Variants in GADD45G observed in about 807,000 individuals in gnomAD.
GADD45G encodes the protein growth arrest and DNA damage inducible gamma, also known as growth arrest and DNA damage-inducible protein GADD45 gamma.
GADD45G carries 7 observed loss-of-function variants against 17.3 expected under a neutral mutation model. The ratio of observed to expected loss-of-function variants is 0.41; its 90% confidence interval spans 0.23 to 0.76. The LOEUF (loss-of-function observed/expected upper bound fraction) is 0.76. Ranked by LOEUF, GADD45G falls within the 30% of genes least tolerant of loss-of-function variation. The pLI is 0.34. For missense variants in GADD45G, 149 were observed against 219.2 expected (o/e 0.68, Z 2.02); for synonymous variants, 93 against 94.9 (o/e 0.98, Z 0.12).
In GADD45G at chr9:89,605,045, T is replaced by C. The variant is rs1456020107; in HGVS notation, c.-77T>C. 3 of 1,168,730 alleles carry C rather than the reference T, an allele frequency of 2.6e-6. No individual in the cohort carries two copies. Among genetic ancestry groups the C allele is most frequent in the African/African-American group, 3.0e-5 (2 of 66,112 alleles). The allele number at this position is 1,168,730 out of a possible 1,614,324, so 72.4% of individuals were successfully genotyped here. ...TGGTGGTGGGCGCGCCGTGCTGAGC[T>C]CTGGCTGTCAGTGTGTTCGCCCGCG... On this transcript the variant is annotated 5_prime_UTR_variant, in exon 1 of 4. Coordinates refer to ENST00000252506, the MANE Select transcript of GADD45G (RefSeq NM_006705.4).
rs773959839 is a variant in GADD45G, at chr9:89,605,582, G to T, written c.155+49G>T. ...TGGGAGACAGGGGCGGGGGTGAATG[G>T]CGAGGAGACTGGCGGATGGGAGGGG... On this transcript the variant is annotated intron_variant, in intron 2 of 3. Coordinates refer to ENST00000252506, the MANE Select transcript of GADD45G (RefSeq NM_006705.4). 11 of 1,562,052 alleles carry T rather than the reference G, an allele frequency of 7.0e-6. No individual in the cohort carries two copies. The South Asian group carries it at 1.2e-4, about 18-fold the overall frequency.
Position 89,605,149 on chromosome 9 carries a change from G to C in GADD45G, c.28G>C (p.Asp10His). The change falls in exon 1 of 4, where the codon GAC becomes CAC. Residue 10 changes from aspartate (D) to histidine (H), a missense_variant. By Grantham distance (81) the Asp-to-His change is moderately conservative. Around this residue, in one of 3 missense-constraint regions of GADD45G, gnomAD observed 37 missense variants for 34.9 expected, o/e 1.06. Transcript: ENST00000252506. ...GACTCTGGAAGAAGTCCGCGGCCAG[G>C]ACACAGTTCCGGAAAGCACAGCCAG... MTLEEVRGQ[D>H]TVPESTARMQ... 1 of 1,613,928 alleles carries C rather than the reference G, an allele frequency of 6.2e-7. No individual in the cohort carries two copies. The highest frequency in any genetic ancestry group is 8.5e-7 in the Non-Finnish European group (1 of 1,179,838).
chr9:89,605,617 G>A (rs775043958), intron 2 of GADD45G, 50 bp from the exon 3 acceptor site: 14 of 1,578,018 alleles, frequency 8.9e-6, no homozygotes, highest in Middle Eastern at 3.3e-4. Flanking sequence ...GTGGCGGCGG[G>A]AGAACTCGGC....
Position 89,605,700 on chromosome 9 carries a change from T to A in GADD45G, c.189T>A (p.Ala63=). The change falls in exon 3 of 4, where the codon GCT becomes GCA. Residue 63 remains alanine, a synonymous_variant. Coordinates refer to ENST00000252506, the MANE Select transcript of GADD45G (RefSeq NM_006705.4). ...ACAATGTGACCTTCTGTGTGCTGGC[T>A]GCGGGTGAGGAGGACGAGGGCGACA... ...DPDNVTFCVL[A]AGEEDEGDIA... is the part of the protein sequence containing the mutation. The A allele has an allele frequency of 6.2e-7, 1 of 1,614,054 alleles. No homozygotes were observed. The highest frequency in any genetic ancestry group is 8.5e-7 in the Non-Finnish European group (1 of 1,179,994).
In GADD45G at chr9:89,606,312, C is replaced by T; in HGVS notation, c.*233C>T. 1.7e-6 allele frequency: 1 copy of T among 572,924 alleles called. No individual in the cohort carries two copies. Among genetic ancestry groups the T allele is most frequent in the Non-Finnish European group, 3.1e-6 (1 of 319,718 alleles). 35.5% of individuals were successfully genotyped at this position (572,924 alleles called of 1,614,324 possible). ...TGCAAGTGTCTGGAGCGGCTGCTCGCCCAGGAAGGCCTAGGCTAGGACGTT... is the reference window on the plus strand; with the variant it reads ...TGCAAGTGTCTGGAGCGGCTGCTCGTCCAGGAAGGCCTAGGCTAGGACGTT... On this transcript the variant is annotated 3_prime_UTR_variant, in exon 4 of 4. Transcript: ENST00000252506.
At chr9:89,605,933 G>C (rs998319066) in intron 3 of GADD45G, 36 bp from the exon 4 acceptor site, 4 of 1,591,540 alleles carry the variant, frequency 2.5e-6, no homozygotes, top group African/African-American at 1.3e-5. Flanking sequence ...GCCTCGGCCC[G>C]CGGCCAGCCA....
In GADD45G at chr9:89,605,703, G is replaced by C. The variant is rs750824488; in HGVS notation, c.192G>C (p.Ala64=). Residue 64 remains alanine, a synonymous_variant, in exon 3 of 4, where the codon GCG becomes GCC. Coordinates refer to ENST00000252506, the MANE Select transcript of GADD45G (RefSeq NM_006705.4). ...ATGTGACCTTCTGTGTGCTGGCTGC[G>C]GGTGAGGAGGACGAGGGCGACATCG... ...PDNVTFCVLA[A]GEEDEGDIAL... 9.9e-6 allele frequency: 16 copies of C among 1,614,106 alleles called. No individual in the cohort carries two copies. The South Asian group carries it at 1.6e-4, about 17-fold the overall frequency.
chr9:89,605,811 G>C lies in GADD45G; in HGVS notation c.300G>C (p.Arg100=), dbSNP rs1459724886. The change falls in exon 3 of 4, where the codon CGG becomes CGC. Residue 100 remains arginine, a synonymous_variant. Coordinates refer to ENST00000252506, the MANE Select transcript of GADD45G (RefSeq NM_006705.4). ...TAGTGCGCGTGGGCGATGTGCAGCG[G>C]CTGGCGGCTATCGTGGGCGCCGGCG... ...IDIVRVGDVQ[R]LAAIVGAGEE... is the part of the protein sequence containing the mutation. 6.2e-7 allele frequency: 1 copy of C among 1,613,606 alleles called. No individual in the cohort carries two copies.
chr9:89,605,293 AGAGCCGGGGTGCAGGCGCT>A lies in GADD45G; in HGVS notation c.53+128_54-112del, dbSNP rs1827502407. 12 of 1,124,634 alleles carry A rather than the reference AGAGCCGGGGTGCAGGCGCT, an allele frequency of 1.1e-5. No individual in the cohort carries two copies. In the Admixed American group the frequency reaches 2.4e-4, roughly 22 times the overall value. 69.7% of individuals were successfully genotyped at this position (1,124,634 alleles called of 1,614,324 possible). On this transcript the variant is annotated intron_variant, in intron 1 of 3. Coordinates refer to ENST00000252506, the MANE Select transcript of GADD45G (RefSeq NM_006705.4). The stretch of plus-strand genomic sequence containing the variant: ...GGTCCGGGCGCCAGATCCCGGTTGG[AGAGCCGGGGTGCAGGCGCT>A]GAGCCGGGATTGGAGTGTGGTTGGA...
rs1299048862 is a variant in GADD45G, at chr9:89,605,501, C to G, written c.123C>G (p.Ala41=). 6.4e-7 allele frequency: 1 copy of G among 1,561,966 alleles called. No individual in the cohort carries two copies. Among genetic ancestry groups the G allele is most frequent in the Non-Finnish European group, 8.7e-7 (1 of 1,152,472 alleles). ...CGCAGCGTCAGGGCTGCCTCACTGC[C>G]GGCGTCTACGAGTCAGCCAAAGTCT... The part of the protein sequence containing the change: ...LSAQRQGCLT[A]GVYESAKVLN... The change falls in exon 2 of 4, where the codon GCC becomes GCG. Residue 41 remains alanine, a synonymous_variant. Coordinates refer to ENST00000252506, the MANE Select transcript of GADD45G (RefSeq NM_006705.4).
chr9:89,605,174 G>C lies in GADD45G; in HGVS notation c.53G>C (p.Arg18Thr), dbSNP rs756436120. The stretch of plus-strand genomic sequence containing the variant: ...GACACAGTTCCGGAAAGCACAGCCA[G>C]GTGGGTTTCAGGGCGCTGAGAAAGC... Reference protein sequence around the residue: ...GQDTVPESTARMQGAGKALHE... With the variant: ...GQDTVPESTATMQGAGKALHE... The change falls in exon 1 of 4, where the codon AGG (arginine) becomes ACG (threonine). Residue 18 changes from arginine to threonine, a missense_variant and splice_region_variant. Physicochemically the swap from Arg to Thr is moderately conservative, Grantham distance 71. Around this residue, in one of 3 missense-constraint regions of GADD45G, gnomAD observed 37 missense variants for 34.9 expected, o/e 1.06. Transcript: ENST00000252506. The C allele has an allele frequency of 3.1e-6, 5 of 1,613,442 alleles. No homozygotes were observed. Among genetic ancestry groups the C allele is most frequent in the Non-Finnish European group, 2.5e-6 (3 of 1,179,546 alleles).
chr9:89,605,509 A>G lies in GADD45G; in HGVS notation c.131A>G (p.Tyr44Cys). ...CAGGGCTGCCTCACTGCCGGCGTCT[A>G]CGAGTCAGCCAAAGTCTTGAACGTG... Reference protein sequence around the residue: ...QRQGCLTAGVYESAKVLNVDP... With the variant: ...QRQGCLTAGVCESAKVLNVDP... The change falls in exon 2 of 4, where the codon TAC becomes TGC. Residue 44 changes from tyrosine to cysteine, a missense_variant. Tyr to Cys is a radical substitution (Grantham distance 194). Coordinates refer to ENST00000252506, the MANE Select transcript of GADD45G (RefSeq NM_006705.4). The G allele has an allele frequency of 6.4e-7, 1 of 1,562,474 alleles. No individual in the cohort carries two copies. Among genetic ancestry groups the G allele is most frequent in the African/African-American group, 1.4e-5 (1 of 73,632 alleles).
intron 1 of GADD45G, 59 bp from the exon 2 acceptor site, chr9:89,605,373 C>T (rs3138503): frequency 0.17 from 217,078 of 1,302,608 alleles, 20,653 homozygotes; most frequent in Non-Finnish European, 0.19. Context: ...GTGGCCGGGG[C>T]TGGGGTCTCC....
Position 89,605,836 on chromosome 9 carries a change from G to T in GADD45G, c.325G>T (p.Glu109Ter), listed in dbSNP as rs1473294864. The change falls in exon 3 of 4, where the codon GAG (glutamate) becomes TAG (stop). Residue 109 changes from glutamate to a stop codon, truncating the protein, a stop_gained. Coordinates refer to ENST00000252506, the MANE Select transcript of GADD45G (RefSeq NM_006705.4). LOFTEE classifies it high-confidence loss of function. Reference sequence around the variant, plus strand: ...GCTGGCGGCTATCGTGGGCGCCGGCGAGGAGGCGGGTGCGCCGGGCGACCT... The same window carrying T: ...GCTGGCGGCTATCGTGGGCGCCGGCTAGGAGGCGGGTGCGCCGGGCGACCT... ...QRLAAIVGAG[E>*]EAGAPGDLHC... 1.2e-6 allele frequency: 2 copies of T among 1,612,952 alleles called. No homozygotes were observed. The highest frequency in any genetic ancestry group is 1.3e-5 in the African/African-American group (1 of 74,934).
rs748093899 is a variant in GADD45G at position 89,605,545 on chromosome 9, C to G, written c.155+12C>G. On this transcript the variant is annotated intron_variant, in intron 2 of 3. Coordinates refer to ENST00000252506, the MANE Select transcript of GADD45G (RefSeq NM_006705.4). ...AAAGTCTTGAACGTGTAAGTGTAGA[C>G]GCGGCCCAGGCTGGGAGACAGGGGC... The G allele has an allele frequency of 1.3e-6, 2 of 1,560,000 alleles. No individual in the cohort carries two copies. The highest frequency in any genetic ancestry group is 1.7e-6 in the Non-Finnish European group (2 of 1,148,736).
rs1388520046 is a variant in GADD45G at position 89,605,983 on chromosome 9, C to T, written c.384C>T (p.Asp128=). The T allele has an allele frequency of 1.9e-6, 3 of 1,613,056 alleles. No individual in the cohort carries two copies. In the East Asian group the frequency reaches 6.7e-5, roughly 36 times the overall value. Residue 128 remains aspartate (D), a synonymous_variant, in exon 4 of 4, where the codon GAC becomes GAT. Coordinates refer to ENST00000252506, the MANE Select transcript of GADD45G (RefSeq NM_006705.4). The stretch of plus-strand genomic sequence containing the variant: ...TCTCTCCGCAGAACCCCAACGAGGA[C>T]GCCTGGAAGGATCCCGCCTTGGAGA... The part of the protein sequence containing the change: ...HCILISNPNE[D]AWKDPALEKL...
chr9:89,606,203 G>T lies in GADD45G; in HGVS notation c.*124G>T. ...GCGGCGTGGAGACTGGCAGGCGGGG[G>T]GGGCGCCTGGAGAGCGAGGAGGCGC... On this transcript the variant is annotated 3_prime_UTR_variant, in exon 4 of 4. Transcript: ENST00000252506. 1.4e-6 allele frequency: 1 copy of T among 738,420 alleles called. No homozygotes were observed. The highest frequency in any genetic ancestry group is 2.4e-5 in the Admixed American group (1 of 40,970). 45.7% of individuals were successfully genotyped at this position (738,420 alleles called of 1,614,324 possible).
rs1172049115 is a variant in GADD45G at position 89,605,516 on chromosome 9, A to C, written c.138A>C (p.Ser46=). 3 of 1,562,864 alleles carry C rather than the reference A, an allele frequency of 1.9e-6. No individual in the cohort carries two copies. The highest frequency in any genetic ancestry group is 2.6e-6 in the Non-Finnish European group (3 of 1,152,632). Residue 46 remains serine (S), a synonymous_variant, in exon 2 of 4, where the codon TCA becomes TCC. Coordinates refer to ENST00000252506, the MANE Select transcript of GADD45G (RefSeq NM_006705.4). ...GCCTCACTGCCGGCGTCTACGAGTC[A>C]GCCAAAGTCTTGAACGTGTAAGTGT... ...QGCLTAGVYE[S]AKVLNVDPDN...
Position 89,606,513 on chromosome 9 carries a change from G to T in GADD45G, c.*434G>T. The T allele has an allele frequency of 5.1e-6, 1 of 196,226 alleles. No homozygotes were observed. Among genetic ancestry groups the T allele is most frequent in the Non-Finnish European group, 1.0e-5 (1 of 95,304 alleles). The allele number at this position is 196,226 out of a possible 1,614,324, so 12.2% of individuals were successfully genotyped here. On this transcript the variant is annotated 3_prime_UTR_variant, in exon 4 of 4. Coordinates refer to ENST00000252506, the MANE Select transcript of GADD45G (RefSeq NM_006705.4). Reference sequence around the variant, plus strand: ...AATGCTTCGTTTTCTAAAGGATGCTGCTGTTGAAGCTTTGAATTTTACAAT... The same window carrying T: ...AATGCTTCGTTTTCTAAAGGATGCTTCTGTTGAAGCTTTGAATTTTACAAT...
Sources: gnomAD v4.1 joint callset for allele counts on GRCh38, gnomAD v4.1.1 for gene constraint, gnomAD v4.1.1 regional missense constraint, MANE v1.5 for transcripts, NCBI Gene and HGNC (gene_info 2026-07-23, HGNC 2026-07-21) for gene names.